Variants in SLC12A6 observed in about 807,000 individuals in gnomAD.
SLC12A6 encodes solute carrier family 12 member 6, also known as K-Cl cotransporter 3.
Under a neutral mutation model 135.3 loss-of-function variants are expected in SLC12A6, and 66 were observed. The observed-to-expected ratio is 0.49, with a 90% CI of 0.40 to 0.60. The LOEUF (loss-of-function observed/expected upper bound fraction) is 0.60. Among genes scored for constraint, SLC12A6 ranks in the 20% least tolerant of loss-of-function variants. SLC12A6 has a pLI of 0.00. For missense variants in SLC12A6, 1,058 were observed against 1,452.3 expected, an observed-to-expected ratio of 0.73 and a Z score of 4.41; for synonymous variants, 513 against 508.8, an observed-to-expected ratio of 1.01 and a Z score of -0.11.
intron 13 of SLC12A6, among the ~76,000 whole-genome samples, chr15:34,248,808 G>T (rs1892185303): frequency 6.6e-6 from 1 of 152,146 alleles, no homozygotes; most frequent in Non-Finnish European, 1.5e-5. Flanking sequence ...CTGTTTGGGT[G>T]AGTATGGGAA....
rs761204407 is a variant in SLC12A6 at position 34,336,687 on chromosome 15, CT to C, written c.-8del. The C allele has an allele frequency of 6.2e-7, 1 of 1,613,888 alleles. No individual in the cohort carries two copies. The highest frequency in any genetic ancestry group is 1.6e-4 in the Middle Eastern group (1 of 6,062). Reference sequence around the variant, plus strand: ...TGGTTTCTGGAGGATGCATTTTGTTCTTTTTAAGAACAAAAAAAGTGGGGGG... The same window carrying C: ...TGGTTTCTGGAGGATGCATTTTGTTCTTTTAAGAACAAAAAAAGTGGGGGG... On this transcript the variant is annotated 5_prime_UTR_variant, in exon 2 of 26. Transcript: ENST00000354181.
intron 3 of SLC12A6, among the ~76,000 whole-genome samples, chr15:34,271,628 C>CACACACACAG (rs1491483231): frequency 1.3e-5 from 2 of 149,106 alleles, no homozygotes; most frequent in South Asian, 2.1e-4. Context: ...CACACACACA[C>CACACACACAG]AGAAAAGTTC....
At chr15:34,253,739 G>T (rs1372589366) in intron 9 of SLC12A6, among the ~76,000 whole-genome samples, 1 of 152,210 alleles carries the variant, frequency 6.6e-6, no homozygotes, top group Non-Finnish European at 1.5e-5. Flanking sequence ...AACACTGAGT[G>T]CCAGCTAGTC....
Position 34,235,898 on chromosome 15 carries a change from T to G in SLC12A6, c.3227+117A>C, listed in dbSNP as rs964030129. 18 of 831,868 alleles carry G rather than the reference T, an allele frequency of 2.2e-5. No homozygotes were observed. In the South Asian group the frequency reaches 2.3e-4, roughly 11 times the overall value. 51.5% of individuals were successfully genotyped at this position (831,868 alleles called of 1,614,324 possible). On this transcript the variant is annotated intron_variant, in intron 24 of 25. Transcript: ENST00000354181. ...GCCAGTATGAACAGGCAAACAATAA[T>G]GAGGTGGCTAGATTCAGGGTGAAAT...
intron 2 of SLC12A6, 55 bp downstream of exon 2, chr15:34,336,355 T>C (rs2141210846): frequency 1.0e-5 from 14 of 1,361,200 alleles, no homozygotes; most frequent in Non-Finnish European, 1.5e-5. Flanking sequence ...TAGATGGTCA[T>C]CTTGGATAAA....
At chr15:34,266,406 G>C (rs1299330278) in intron 3 of SLC12A6, among the ~76,000 whole-genome samples, 1 of 151,748 alleles carries the variant, frequency 6.6e-6, no homozygotes, top group African/African-American at 2.4e-5. Context: ...ATAACAAAAG[G>C]TTTAATCCAC....
chr15:34,242,340 A>G, intron 16 of SLC12A6, 119 bp from the exon 17 acceptor site: 1 of 719,080 alleles, frequency 1.4e-6, no homozygotes, highest in Non-Finnish European at 2.3e-6. Context: ...TGAAACTATT[A>G]TAAATAGAAC....
chr15:34,246,948 G>A (rs1892033662), intron 13 of SLC12A6, among the ~76,000 whole-genome samples: 1 of 152,218 alleles, frequency 6.6e-6, no homozygotes, highest in Admixed American at 6.5e-5. Flanking sequence ...ATTGTGCCCA[G>A]CTAAGTTATG....
chr15:34,249,452 A>C (rs1381915144), intron 13 of SLC12A6, among the ~76,000 whole-genome samples: 2 of 152,154 alleles, frequency 1.3e-5, no homozygotes, highest in East Asian at 3.9e-4. Context: ...CTGTGGTCCC[A>C]GCTACTTGGG....
At chr15:34,327,639 T>C (rs528454034) in intron 2 of SLC12A6, among the ~76,000 whole-genome samples, 2 of 150,564 alleles carry the variant, frequency 1.3e-5, no homozygotes, top group South Asian at 4.2e-4. Context: ...GCCTGGGCAA[T>C]AGAGCAAGAC....
At chr15:34,323,735 G>C (rs1383677309) in intron 2 of SLC12A6, among the ~76,000 whole-genome samples, 1 of 152,112 alleles carries the variant, frequency 6.6e-6, no homozygotes, top group African/African-American at 2.4e-5. Flanking sequence ...AGGACTGCTT[G>C]AGCTCAGGAG....
chr15:34,313,592 C>G lies in SLC12A6; in HGVS notation c.271+22818G>C, dbSNP rs186093638. On this transcript the variant is annotated intron_variant, in intron 2 of 25. Transcript: ENST00000354181. ...GTTATCCAGAAGATTGAGCTACGAT[C>G]AATGATGAAGGTGGCTTCATTAAAC... Among the ~76,000 whole-genome samples the G allele has an allele frequency of 2.9e-4, 44 of 152,268 alleles. 1 individual carries two copies. In the East Asian group the frequency reaches 7.9e-3, roughly 27 times the overall value.
intron 15 of SLC12A6, among the ~76,000 whole-genome samples, chr15:34,244,911 C>G (rs1891881554): frequency 6.6e-6 from 1 of 152,184 alleles, no homozygotes; most frequent in African/African-American, 2.4e-5. Context: ...ATTATCAGTT[C>G]CATAAGATTG....
chr15:34,263,971 A>G (rs1343237453), intron 3 of SLC12A6, among the ~76,000 whole-genome samples: 3 of 152,156 alleles, frequency 2.0e-5, no homozygotes, highest in Non-Finnish European at 4.4e-5. Context: ...TAAGGAAACA[A>G]CACATGACTC....
intron 2 of SLC12A6, among the ~76,000 whole-genome samples, chr15:34,320,891 A>C (rs1441472713): frequency 6.6e-6 from 1 of 151,958 alleles, no homozygotes; most frequent in Non-Finnish European, 1.5e-5. Context: ...CCTGGGCGAC[A>C]GAGCAAGACT....
intron 23 of SLC12A6, 133 bp downstream of exon 23, chr15:34,236,575 C>A: frequency 1.4e-6 from 1 of 705,282 alleles, no homozygotes; most frequent in African/African-American, 1.7e-5. Context: ...AACTCCTGAC[C>A]TCTTGATCCA....
At chr15:34,269,008 C>G (rs1221900148) in intron 3 of SLC12A6, among the ~76,000 whole-genome samples, 1 of 152,050 alleles carries the variant, frequency 6.6e-6, no homozygotes, top group Non-Finnish European at 1.5e-5. Context: ...AGGCGCCTGC[C>G]ACCATGCCTG....
intron 10 of SLC12A6, among the ~76,000 whole-genome samples, chr15:34,251,949 G>A (rs1487655646): frequency 6.6e-6 from 1 of 152,176 alleles, no homozygotes; most frequent in African/African-American, 2.4e-5. Context: ...TGAAATGGAG[G>A]TGAATTTTAG....
intron 22 of SLC12A6, chr15:34,237,027 T>G: frequency 1.8e-6 from 1 of 568,604 alleles, no homozygotes; most frequent in Non-Finnish European, 3.2e-6. Context: ...TTCCATAATC[T>G]AACCAAGACA....
Sources: allele counts gnomAD v4.1 joint callset (sites outside exome capture counted in the v4.1 genomes callset), GRCh38; gene constraint gnomAD v4.1.1; transcripts MANE v1.5; gene names NCBI Gene and HGNC (gene_info 2026-07-23, HGNC 2026-07-21).